CACNA2D1: variants seen among roughly 807,000 people sequenced by gnomAD.
The protein encoded by CACNA2D1 is calcium voltage-gated channel auxiliary subunit alpha2delta 1, also known as voltage-dependent calcium channel subunit alpha-2/delta-1.
A neutral mutation model predicts 171.5 loss-of-function variants in CACNA2D1; 53 were observed. The ratio of observed to expected loss-of-function variants is 0.31; its 90% confidence interval spans 0.25 to 0.39. CACNA2D1 has a LOEUF of 0.39. Ranked by LOEUF, CACNA2D1 falls within the 10% of genes least tolerant of loss-of-function variation. The probability of loss-of-function intolerance (pLI) is 1.00; values close to 1 mark genes in which losing one functional copy is unlikely to be tolerated. For synonymous variants in CACNA2D1, 442 were observed against 443.1 expected (o/e 1.00, Z 0.03); for missense variants, 903 against 1,299.8 (o/e 0.69, Z 4.69).
chr7:82,258,050 A>G (rs1585242573), intron 3 of CACNA2D1, among the ~76,000 whole-genome samples: 1 of 152,158 alleles, frequency 6.6e-6, no homozygotes, highest in East Asian at 1.9e-4. Flanking sequence ...AGGTAAAGCC[A>G]TTTGCTTCTA....
chr7:82,147,865 C>T (rs1017286606), intron 4 of CACNA2D1, among the ~76,000 whole-genome samples: 7 of 152,066 alleles, frequency 4.6e-5, no homozygotes, highest in South Asian at 2.1e-4. Context: ...CATCTTTCAT[C>T]GGGCTTATAG....
chr7:82,073,413 T>G (rs1808556360), intron 7 of CACNA2D1, among the ~76,000 whole-genome samples: 1 of 152,162 alleles, frequency 6.6e-6, no homozygotes, highest in African/African-American at 2.4e-5. Flanking sequence ...GGCATACAAA[T>G]ATGTAATTAA....
intron 1 of CACNA2D1, among the ~76,000 whole-genome samples, chr7:82,356,151 A>G (rs963507919): frequency 2.0e-5 from 3 of 152,108 alleles, no homozygotes; most frequent in Non-Finnish European, 4.4e-5. Flanking sequence ...AGTATTTAAT[A>G]TGCATTCTCT....
chr7:81,962,403 T>C (rs1311999622), intron 35 of CACNA2D1, 37 bp downstream of exon 35: 1 of 1,509,752 alleles, frequency 6.6e-7, no homozygotes, highest in Non-Finnish European at 9.2e-7. Context: ...AAAATTTTTA[T>C]TGTTATGGCA....
intron 3 of CACNA2D1, among the ~76,000 whole-genome samples, chr7:82,266,042 A>G (rs974153559): frequency 2.6e-5 from 4 of 152,202 alleles, no homozygotes; most frequent in Non-Finnish European, 5.9e-5. Flanking sequence ...TTATTTGTGT[A>G]TATGCATCTT....
chr7:82,101,196 CA>C (rs1812637545), intron 6 of CACNA2D1, among the ~76,000 whole-genome samples: 1 of 151,904 alleles, frequency 6.6e-6, no homozygotes, highest in African/African-American at 2.4e-5. Flanking sequence ...GCACAAGTAC[CA>C]ACTGTATATT....
chr7:82,135,714 A>T (rs1163624915), intron 5 of CACNA2D1, among the ~76,000 whole-genome samples: 3 of 151,986 alleles, frequency 2.0e-5, no homozygotes, highest in African/African-American at 7.2e-5. Context: ...GTATTTTTTC[A>T]TTTTCTTCTT....
chr7:81,960,157 T>C (rs1008062248), intron 36 of CACNA2D1, among the ~76,000 whole-genome samples: 2 of 152,088 alleles, frequency 1.3e-5, no homozygotes, highest in African/African-American at 4.8e-5. Flanking sequence ...CAAAGAATTG[T>C]GATGCTTATG....
chr7:82,407,076 C>G (rs906306444), intron 1 of CACNA2D1, among the ~76,000 whole-genome samples: 6 of 152,166 alleles, frequency 3.9e-5, no homozygotes, highest in Non-Finnish European at 8.8e-5. Context: ...GTTTTCTGTC[C>G]CACCAAAGAA....
At chr7:81,976,259 G>GT (rs1035562178) in intron 24 of CACNA2D1, among the ~76,000 whole-genome samples, 1 of 151,908 alleles carries the variant, frequency 6.6e-6, no homozygotes, top group African/African-American at 2.4e-5. Context: ...ATGAAATTTA[G>GT]TTTTTTCTAA....
chr7:82,188,163 A>G (rs2129181584), intron 3 of CACNA2D1, among the ~76,000 whole-genome samples: 1 of 152,224 alleles, frequency 6.6e-6, no homozygotes, highest in East Asian at 1.9e-4. Flanking sequence ...TTCTAGTATC[A>G]TTGCCTTGGG....
intron 1 of CACNA2D1, among the ~76,000 whole-genome samples, chr7:82,373,221 T>G (rs1822618563): frequency 6.6e-6 from 1 of 152,176 alleles, no homozygotes; most frequent in African/African-American, 2.4e-5. Context: ...TTTAGAATTA[T>G]CAGGTTCTAC....
At chr7:82,055,204 G>A (rs977988123) in intron 10 of CACNA2D1, among the ~76,000 whole-genome samples, 3 of 152,112 alleles carry the variant, frequency 2.0e-5, no homozygotes, top group Non-Finnish European at 4.4e-5. Flanking sequence ...CATCTAAGTG[G>A]ACTTCAGAAT....
intron 7 of CACNA2D1, among the ~76,000 whole-genome samples, chr7:82,084,002 T>C (rs1372069935): frequency 3.9e-5 from 6 of 152,152 alleles, no homozygotes; most frequent in Admixed American, 1.3e-4. Context: ...ACTCAGATCA[T>C]GTTTGAGAAA....
chr7:82,391,563 A>G (rs1344685470), intron 1 of CACNA2D1, among the ~76,000 whole-genome samples: 3 of 152,202 alleles, frequency 2.0e-5, no homozygotes. Flanking sequence ...TGGTTTTATT[A>G]ATAAATACCT....
intron 3 of CACNA2D1, among the ~76,000 whole-genome samples, chr7:82,233,801 T>A (rs1803234655): frequency 6.6e-6 from 1 of 152,140 alleles, no homozygotes; most frequent in Non-Finnish European, 1.5e-5. Flanking sequence ...TACCATCTGT[T>A]TTCATATTTT....
chr7:82,252,236 A>G (rs561007638), intron 3 of CACNA2D1, among the ~76,000 whole-genome samples: 2 of 152,328 alleles, frequency 1.3e-5, no homozygotes, highest in Admixed American at 1.3e-4. Context: ...TAGGCCAAGC[A>G]TTTTGCAAAC....
At chr7:82,339,684 G>C (rs1197446284) in intron 2 of CACNA2D1, among the ~76,000 whole-genome samples, 1 of 152,180 alleles carries the variant, frequency 6.6e-6, no homozygotes, top group East Asian at 1.9e-4. Flanking sequence ...AAATAGCATG[G>C]ATCAAAGGTT....
At chr7:82,092,948 T>C (rs1240658928) in intron 6 of CACNA2D1, among the ~76,000 whole-genome samples, 1 of 151,922 alleles carries the variant, frequency 6.6e-6, no homozygotes, top group Non-Finnish European at 1.5e-5. Context: ...CATAGAAGAA[T>C]GAATATGCAA....
Sources: allele counts gnomAD v4.1 joint callset (sites outside exome capture counted in the v4.1 genomes callset), GRCh38; gene constraint gnomAD v4.1.1; transcripts MANE v1.5; gene names NCBI Gene and HGNC (gene_info 2026-07-23, HGNC 2026-07-21).